The following LRRC37A2 variants were observed in gnomAD, a reference collection of about 807,000 sequenced individuals.
LRRC37A2 encodes the protein leucine-rich repeat-containing protein 37A2.
Under a neutral mutation model 68.8 loss-of-function variants are expected in LRRC37A2, and 9 were observed. The ratio of observed to expected loss-of-function variants is 0.13; its 90% confidence interval spans 0.08 to 0.23. LRRC37A2 has a LOEUF of 0.23. Ranked by LOEUF, LRRC37A2 falls within the 10% of genes least tolerant of loss-of-function variation. The pLI is 1.00. For missense variants in LRRC37A2, 168 were observed against 950.4 expected, an observed-to-expected ratio of 0.18 and a Z score of 10.82; for synonymous variants, 63 against 367.6, an observed-to-expected ratio of 0.17 and a Z score of 9.48.
At chr17:46,923,617 T>A in the LRRC37A2 span, 2 of 1,247,516 alleles carry the variant, frequency 1.6e-6, no homozygotes, top group Non-Finnish European at 2.0e-6. Context: ...GTGTACTGTT[T>A]AATTGGAGAG....
the LRRC37A2 span, chr17:46,872,797 G>T: frequency 2.1e-6 from 3 of 1,398,580 alleles, no homozygotes; most frequent in South Asian, 2.4e-5. Context: ...CTAGGGGACG[G>T]GGAGGGCTGG....
At chr17:47,022,350 T>A in the LRRC37A2 span, among the ~76,000 whole-genome samples, 10 of 148,724 alleles carry the variant, frequency 6.7e-5, no homozygotes, top group African/African-American at 9.9e-5. Flanking sequence ...TTGTATGTTT[T>A]GTAGAGACAG....
chr17:46,492,340 G>A, the LRRC37A2 span, among the ~76,000 whole-genome samples: 11 of 151,112 alleles, frequency 7.3e-5, no homozygotes, highest in South Asian at 8.3e-4. Context: ...AGATTCATCT[G>A]TGTTGTTGTA....
At chr17:46,823,074 G>A in the LRRC37A2 span, among the ~76,000 whole-genome samples, 1 of 127,100 alleles carries the variant, frequency 7.9e-6, no homozygotes, top group Non-Finnish European at 1.6e-5. Context: ...TAATAAATAT[G>A]TATTTATAAT....
chr17:46,926,440 T>G, the LRRC37A2 span, among the ~76,000 whole-genome samples: 1 of 152,180 alleles, frequency 6.6e-6, no homozygotes, highest in Non-Finnish European at 1.5e-5. Flanking sequence ...TTCCTAGATC[T>G]TCTGTAAACC....
the LRRC37A2 span, among the ~76,000 whole-genome samples, chr17:46,915,520 TAGC>T: frequency 1.3e-5 from 2 of 152,222 alleles, no homozygotes; most frequent in Admixed American, 6.5e-5. Flanking sequence ...CTCTCAATGG[TAGC>T]AGTAGCAAAG....
the LRRC37A2 span, among the ~76,000 whole-genome samples, chr17:46,861,992 C>T: frequency 1.3e-5 from 2 of 151,766 alleles, no homozygotes; most frequent in Non-Finnish European, 2.9e-5. Flanking sequence ...GGTGAAACCC[C>T]ATCTCTACTA....
the LRRC37A2 span, chr17:46,710,955 C>T: frequency 1.9e-6 from 3 of 1,577,734 alleles, no homozygotes; most frequent in Admixed American, 2.0e-5. Flanking sequence ...ACTCCTTTTT[C>T]TTAATAGGCC....
the LRRC37A2 span, chr17:47,047,087 T>G: frequency 1.1e-5 from 1 of 87,260 alleles, no homozygotes; most frequent in South Asian, 1.8e-4. Flanking sequence ...GGCTGCCTCC[T>G]TTACCTACTC....
the LRRC37A2 span, among the ~76,000 whole-genome samples, chr17:46,499,382 T>C: frequency 1.3e-5 from 2 of 150,234 alleles, no homozygotes; most frequent in African/African-American, 5.0e-5. Flanking sequence ...ACATACATTT[T>C]ATAGAAGTTG....
chr17:46,868,588 T>C, the LRRC37A2 span, among the ~76,000 whole-genome samples: 5 of 151,006 alleles, frequency 3.3e-5, no homozygotes, highest in African/African-American at 7.4e-5. Context: ...GGAGTGAGAC[T>C]CGATTAAAAA....
chr17:46,390,220 G>A, the LRRC37A2 span, among the ~76,000 whole-genome samples: 34 of 103,804 alleles, frequency 3.3e-4, no homozygotes, highest in African/African-American at 9.8e-4. Flanking sequence ...AGGGCCCTTC[G>A]CTTATGACCT....
chr17:46,919,128 A>G, the LRRC37A2 span, among the ~76,000 whole-genome samples: 1 of 152,222 alleles, frequency 6.6e-6, no homozygotes, highest in African/African-American at 2.4e-5. Flanking sequence ...TCATCTTTGT[A>G]TATCAGCCCT....
At chr17:46,819,293 C>T in the LRRC37A2 span, among the ~76,000 whole-genome samples, 1 of 152,206 alleles carries the variant, frequency 6.6e-6, no homozygotes, top group African/African-American at 2.4e-5. The surrounding 1 kb of genome is among the most constrained non-coding windows in gnomAD (Gnocchi z 5.3). Flanking sequence ...GCGGAAAAGT[C>T]CGCGGAGGCT....
the LRRC37A2 span, among the ~76,000 whole-genome samples, chr17:46,903,843 G>A: frequency 6.6e-6 from 1 of 151,338 alleles, no homozygotes; most frequent in Non-Finnish European, 1.5e-5. Flanking sequence ...ATGAGTGGAT[G>A]ATGGATAGGT....
At chr17:46,857,239 C>T in the LRRC37A2 span, among the ~76,000 whole-genome samples, 71 of 152,156 alleles carry the variant, frequency 4.7e-4, no homozygotes, top group Non-Finnish European at 6.3e-4. Flanking sequence ...GAGGCCGAGA[C>T]GGGCAGATCA....
chr17:46,931,016 G>T, the LRRC37A2 span: 1 of 801,600 alleles, frequency 1.2e-6, no homozygotes, highest in Non-Finnish European at 2.2e-6. Flanking sequence ...ATTGGATATT[G>T]AAAAAAAAAT....
chr17:46,970,322 CCT>C, the LRRC37A2 span, among the ~76,000 whole-genome samples: 1 of 152,010 alleles, frequency 6.6e-6, no homozygotes, highest in African/African-American at 2.4e-5. Flanking sequence ...GGGTGGATCA[CCT>C]GAGGTCAGGA....
At chr17:46,909,160 T>A in the LRRC37A2 span, among the ~76,000 whole-genome samples, 1 of 152,178 alleles carries the variant, frequency 6.6e-6, no homozygotes, top group Admixed American at 6.5e-5. Flanking sequence ...CCCAAGTAAC[T>A]GGGACCACAG....
Sources: gnomAD v4.1 joint callset for allele counts (sites outside exome capture counted in the v4.1 genomes callset) on GRCh38, gnomAD v4.1.1 for gene constraint, Gnocchi (gnomAD v3.1) non-coding constraint, MANE v1.5 for transcripts, NCBI Gene and HGNC (gene_info 2026-07-23, HGNC 2026-07-21) for gene names.